Variants in STARD9 observed in about 807,000 individuals in gnomAD.
STARD9 encodes StAR related lipid transfer domain containing 9.
STARD9 carries 346 observed loss-of-function variants against 399.8 expected under a neutral mutation model. That is an observed-to-expected ratio of 0.87 (90% CI 0.79 to 0.95). The LOEUF is 0.95. Among genes scored for constraint, STARD9 ranks in the 40% least tolerant of loss-of-function variants. The pLI, the probability that STARD9 is intolerant of heterozygous loss-of-function variation, is 0.00. For synonymous variants in STARD9, 2,203 were observed against 2,143.5 expected (o/e 1.03, Z -0.77); for missense variants, 5,832 against 5,667.5 (o/e 1.03, Z -0.93).
intron 22 of STARD9, among the ~76,000 whole-genome samples, chr15:42,683,430 T>C (rs1437224710): frequency 6.6e-6 from 1 of 152,222 alleles, no homozygotes; most frequent in East Asian, 1.9e-4. Context: ...CATGTCACTT[T>C]AGTTCTACAT....
chr15:42,691,789 C>T lies in STARD9; in HGVS notation c.10211C>T (p.Thr3404Ile). The stretch of plus-strand genomic sequence containing the variant: ...GATCACAGGCACCTGAAGCCTGCCA[C>T]CCCTCCTTATCCAATGCCTTCCACT... The part of the protein sequence containing the change: ...TTDHRHLKPA[T>I]PPYPMPSTLS... The change falls in exon 23 of 33, where the codon ACC (threonine) becomes ATC (isoleucine). Residue 3404 changes from threonine (T) to isoleucine (I), a missense_variant. Around this residue, in one of 2 missense-constraint regions of STARD9, gnomAD observed 5,828 missense variants for 5,651.1 expected, o/e 1.03. Transcript: ENST00000290607. 2.6e-6 allele frequency: 4 copies of T among 1,537,276 alleles called. No individual in the cohort carries two copies. The highest frequency in any genetic ancestry group is 2.6e-6 in the Non-Finnish European group (3 of 1,146,908).
At chr15:42,658,995 C>A (rs1365464373) in intron 9 of STARD9, among the ~76,000 whole-genome samples, 1 of 152,108 alleles carries the variant, frequency 6.6e-6, no homozygotes, top group Non-Finnish European at 1.5e-5. Flanking sequence ...CACCTGTAAT[C>A]CCAGCTGCTC....
In STARD9 at chr15:42,695,268, G is replaced by A. The variant is rs1019655156; in HGVS notation, c.13091G>A (p.Arg4364Gln). The change falls in exon 25 of 33, where the codon CGG becomes CAG. Residue 4364 changes from arginine (R) to glutamine (Q), a missense_variant. Transcript: ENST00000290607. ...IARARDQLRE[R>Q]TEQEKLRIHQ... Reference sequence around the variant, plus strand: ...CGGGCCCGAGACCAACTGCGGGAGCGGACTGAACAAGAGAAGCTGAGAATC... The same window carrying A: ...CGGGCCCGAGACCAACTGCGGGAGCAGACTGAACAAGAGAAGCTGAGAATC... The A allele has an allele frequency of 1.0e-5, 16 of 1,537,036 alleles. No individual in the cohort carries two copies. Among genetic ancestry groups the A allele is most frequent in the South Asian group, 5.9e-5 (5 of 84,052 alleles).
intron 3 of STARD9, among the ~76,000 whole-genome samples, chr15:42,597,446 C>T (rs2058529104): frequency 1.3e-5 from 2 of 152,140 alleles, no homozygotes; most frequent in Admixed American, 1.3e-4. Flanking sequence ...CAGCTCACTG[C>T]AACCTCTGCC....
At chr15:42,707,209 T>G (rs1264295324) in intron 26 of STARD9, among the ~76,000 whole-genome samples, 1 of 152,200 alleles carries the variant, frequency 6.6e-6, no homozygotes, top group Non-Finnish European at 1.5e-5. Flanking sequence ...TGATGCCAGA[T>G]TTTGGCAGGA....
At chr15:42,583,740 C>G (rs1245430878) in intron 2 of STARD9, among the ~76,000 whole-genome samples, 1 of 152,148 alleles carries the variant, frequency 6.6e-6, no homozygotes, top group Non-Finnish European at 1.5e-5. Context: ...AATCCATATT[C>G]TATTTAACTC....
At position 42,719,503 on chromosome 15, in the gene STARD9, C is replaced by G. The variant is rs1317829807; in HGVS notation, c.14032C>G (p.Gln4678Glu). The G allele has an allele frequency of 2.6e-6, 4 of 1,537,094 alleles. No homozygotes were observed. The highest frequency in any genetic ancestry group is 3.5e-6 in the Non-Finnish European group (4 of 1,146,862). ...ACTTGGTGCTCCAGGCTTCCCACCT[C>G]AGCTCCTGAGCTCTTTCATCAAACG... ...VELGAPGFPP[Q>E]LLSSFIKRQP... The change falls in exon 33 of 33, where the codon CAG becomes GAG. Residue 4678 changes from glutamine to glutamate, a missense_variant. Gln to Glu is a conservative substitution (Grantham distance 29, BLOSUM62 2). This residue lies in a region of STARD9 where 5,828 missense variants were observed against 5,651.1 expected (regional missense o/e 1.03). Transcript: ENST00000290607.
rs1426767614 is a variant in STARD9, at chr15:42,685,591, G to T, written c.4013G>T (p.Trp1338Leu). 1 of 1,537,562 alleles carries T rather than the reference G, an allele frequency of 6.5e-7. No homozygotes were observed. The highest frequency in any genetic ancestry group is 8.7e-7 in the Non-Finnish European group (1 of 1,146,984). ...AGCCCACTGATGTCCATGGATTCCT[G>T]GTTTTCCTGTGACTCTAAGATCAAC... is the stretch of plus-strand genomic sequence containing the variant. ...RESPLMSMDS[W>L]FSCDSKINPS... The change falls in exon 23 of 33, where the codon TGG (tryptophan) becomes TTG (leucine). Residue 1338 changes from tryptophan (W) to leucine (L), a missense_variant. Transcript: ENST00000290607.
At chr15:42,597,348 C>T (rs2058526945) in intron 3 of STARD9, among the ~76,000 whole-genome samples, 1 of 152,090 alleles carries the variant, frequency 6.6e-6, no homozygotes, top group African/African-American at 2.4e-5. Context: ...GCCACCGCAC[C>T]TGGTGCATGC....
intron 22 of STARD9, among the ~76,000 whole-genome samples, chr15:42,683,195 A>G (rs1296957043): frequency 2.6e-5 from 4 of 152,232 alleles, no homozygotes; most frequent in Non-Finnish European, 5.9e-5. Context: ...TCTTGTCCAT[A>G]GGACGTTCAC....
Position 42,687,135 on chromosome 15 carries a change from C to T in STARD9, c.5557C>T (p.Gln1853Ter), listed in dbSNP as rs1270321249. ...SHDSVYSSVTQNRHFLPSTST... is the reference protein window; with the variant it reads ...SHDSVYSSVT The stretch of plus-strand genomic sequence containing the variant: ...TGATTCAGTTTATTCTTCTGTTACT[C>T]AGAACAGACATTTTCTCCCCTCTAC... The change falls in exon 23 of 33, where the codon CAG (glutamine) becomes TAG (stop). Residue 1853 changes from glutamine (Q) to a stop codon, truncating the protein, a stop_gained. Coordinates refer to ENST00000290607, the MANE Select transcript of STARD9 (RefSeq NM_020759.3). LOFTEE classifies it high-confidence loss of function. The T allele has an allele frequency of 6.5e-7, 1 of 1,537,194 alleles. No individual in the cohort carries two copies. Among genetic ancestry groups the T allele is most frequent in the South Asian group, 1.2e-5 (1 of 84,044 alleles).
chr15:42,638,630 T>G (rs2059468035), intron 6 of STARD9, 70 bp from the exon 7 acceptor site: 2 of 1,116,666 alleles, frequency 1.8e-6, no homozygotes, highest in Non-Finnish European at 1.3e-6. Flanking sequence ...GACCTCCTGA[T>G]TTTTAGCTCA....
At chr15:42,647,718 G>A (rs12594858) in intron 7 of STARD9, among the ~76,000 whole-genome samples, 9,485 of 152,146 alleles carry the variant, frequency 0.062, 784 homozygotes, top group African/African-American at 0.19. Context: ...ATTGTGGTCT[G>A]CTTGTATTTA....
intron 22 of STARD9, among the ~76,000 whole-genome samples, chr15:42,683,417 C>T (rs948249042): frequency 1.3e-5 from 2 of 152,288 alleles, no homozygotes; most frequent in East Asian, 1.9e-4. Flanking sequence ...AATTTCTAGA[C>T]ACCATGTCAC....
intron 16 of STARD9, 103 bp from the exon 17 acceptor site, chr15:42,674,337 A>G: frequency 1.1e-6 from 1 of 943,880 alleles, no homozygotes; most frequent in Admixed American, 2.1e-5. Flanking sequence ...AGTGGTACAG[A>G]TGAGGCTGGG....
chr15:42,661,156 A>C lies in STARD9; in HGVS notation c.703-2A>C. ...ACAGGCTTTAAATGTTTTCTCCTCT[A>C]GGCAATCCTGGAGAACAACCTCCCT... is the stretch of plus-strand genomic sequence containing the variant. On this transcript the variant is annotated splice_acceptor_variant, in intron 9 of 32. Transcript: ENST00000290607. LOFTEE classifies it high-confidence loss of function. 1 of 1,534,982 alleles carries C rather than the reference A, an allele frequency of 6.5e-7. No individual in the cohort carries two copies. Among genetic ancestry groups the C allele is most frequent in the Non-Finnish European group, 8.7e-7 (1 of 1,144,898 alleles).
intron 3 of STARD9, among the ~76,000 whole-genome samples, chr15:42,628,918 T>A (rs548883046): frequency 5.9e-5 from 9 of 152,336 alleles, no homozygotes; most frequent in Non-Finnish European, 1.0e-4. Flanking sequence ...CTGGGTCTTC[T>A]GTGGTTCAAT....
At chr15:42,620,727 CTTTTATTTTATTTTA>C (rs71108173) in intron 3 of STARD9, among the ~76,000 whole-genome samples, 42 of 142,600 alleles carry the variant, frequency 2.9e-4, no homozygotes, top group African/African-American at 5.5e-4. Flanking sequence ...TAGAATGTCC[CTTTTATTTTATTTTA>C]TTTTATTTTA....
At chr15:42,708,561 A>G (rs1356654383) in intron 26 of STARD9, among the ~76,000 whole-genome samples, 1 of 151,838 alleles carries the variant, frequency 6.6e-6, no homozygotes, top group Non-Finnish European at 1.5e-5. Flanking sequence ...TAACTTATTC[A>G]TTTCTGTGTA....
Sources: gnomAD v4.1 joint callset for allele counts (sites outside exome capture counted in the v4.1 genomes callset) on GRCh38, gnomAD v4.1.1 for gene constraint, gnomAD v4.1.1 regional missense constraint, MANE v1.5 for transcripts, NCBI Gene and HGNC (gene_info 2026-07-23, HGNC 2026-07-21) for gene names.